The following TTN variants were observed in gnomAD, a reference collection of about 807,000 sequenced individuals.
TTN encodes the protein titin.
A neutral mutation model predicts 3,223.0 loss-of-function variants in TTN; 1,525 were observed. The observed-to-expected ratio is 0.47, with a 90% CI of 0.45 to 0.49. The LOEUF is 0.49. TTN is among the 20% of genes least tolerant of loss of function. The pLI is 0.00. For synonymous variants in TTN, 14,094 were observed against 15,161.0 expected, an observed-to-expected ratio of 0.93 and a Z score of 5.17; for missense variants, 40,786 against 43,424.0, an observed-to-expected ratio of 0.94 and a Z score of 5.40.
Position 178,694,911 on chromosome 2 carries a change from A to T in TTN, c.31271-5T>A. On this transcript the variant is annotated splice_polypyrimidine_tract_variant and splice_region_variant and intron_variant, in intron 115 of 362. Coordinates refer to ENST00000589042, the MANE Select transcript of TTN (RefSeq NM_001267550.2). Reference sequence around the variant, plus strand: ...CAATTACTGGCTTCTTTATAACTGCAAGCATTTTAGAGAAATTGCAGTACT... The same window carrying T: ...CAATTACTGGCTTCTTTATAACTGCTAGCATTTTAGAGAAATTGCAGTACT... 1 of 1,540,176 alleles carries T rather than the reference A, an allele frequency of 6.5e-7. No individual in the cohort carries two copies. The highest frequency in any genetic ancestry group is 1.4e-5 in the African/African-American group (1 of 72,674).
Position 178,565,910 on chromosome 2 carries a change from C to T in TTN, c.80222G>A (p.Ser26741Asn). Residue 26741 changes from serine (S) to asparagine (N), a missense_variant, in exon 326 of 363, where the codon AGT becomes AAT. Transcript: ENST00000589042. ...TTCTGTAAGGTTTTCCACTTTAAAACTTGTTTTGCTGCATTTACTACTCAC... is the reference window on the plus strand; with the variant it reads ...TTCTGTAAGGTTTTCCACTTTAAAATTTGTTTTGCTGCATTTACTACTCAC... ...ANVSSKCSKT[S>N]FKVENLTEGA... The T allele has an allele frequency of 6.2e-7, 1 of 1,613,624 alleles. No homozygotes were observed. Among genetic ancestry groups the T allele is most frequent in the South Asian group, 1.1e-5 (1 of 91,076 alleles).
chr2:178,540,678 C>T (rs1693984450), intron 350 of TTN, among the ~76,000 whole-genome samples: 2 of 152,100 alleles, frequency 1.3e-5, no homozygotes, highest in Admixed American at 1.3e-4. Flanking sequence ...CACCTGTAAT[C>T]CCAGCTACTC....
intron 43 of TTN, among the ~76,000 whole-genome samples, chr2:178,761,894 C>A (rs2089298638): frequency 6.6e-6 from 1 of 152,212 alleles, no homozygotes; most frequent in African/African-American, 2.4e-5. Flanking sequence ...CCAAATGACA[C>A]TGACTCATCA....
In TTN at chr2:178,588,746, C is replaced by G. The variant is rs775732427; in HGVS notation, c.62979G>C (p.Lys20993Asn). ...TCTCCAAAAAGTATCCAGTTATAGACTTTCCACCATCATATTCAGGTGGAT... is the reference window on the plus strand; with the variant it reads ...TCTCCAAAAAGTATCCAGTTATAGAGTTTCCACCATCATATTCAGGTGGAT... ...VWNPPEYDGGKSITGYFLEKK... is the reference protein window; with the variant it reads ...VWNPPEYDGGNSITGYFLEKK... Residue 20993 changes from lysine (K) to asparagine (N), a missense_variant, in exon 304 of 363, where the codon AAG becomes AAC. By Grantham distance (94) the Lys-to-Asn change is moderately conservative. Coordinates refer to ENST00000589042, the MANE Select transcript of TTN (RefSeq NM_001267550.2). 6.2e-7 allele frequency: 1 copy of G among 1,613,220 alleles called. No homozygotes were observed. The highest frequency in any genetic ancestry group is 1.3e-5 in the African/African-American group (1 of 74,896).
chr2:178,752,023 C>T (rs148642498), intron 47 of TTN: 84 of 1,583,510 alleles, frequency 5.3e-5, no homozygotes, highest in Middle Eastern at 1.7e-4. Context: ...GTTCAGATTC[C>T]CCCTCAGAGA....
At position 178,677,707 on chromosome 2, in the gene TTN, TCTTCGGGAGGAA is replaced by T; in HGVS notation, c.34193_34204del (p.Val11398_Glu11401del). 1 of 1,612,890 alleles carries T rather than the reference TCTTCGGGAGGAA, an allele frequency of 6.2e-7. No individual in the cohort carries two copies. Among genetic ancestry groups the T allele is most frequent in the Non-Finnish European group, 8.5e-7 (1 of 1,179,234 alleles). ...TTCTTCTTCCTCAGGTACATATTCT[TCTTCGGGAGGAA>T]CTTCCTCTTCCTCAGGTGGAATTTC... is the stretch of plus-strand genomic sequence containing the variant. On this transcript the variant is annotated inframe_deletion, in exon 146 of 363. Coordinates refer to ENST00000589042, the MANE Select transcript of TTN (RefSeq NM_001267550.2).
rs377058846 is a variant in TTN at position 178,564,748 on chromosome 2, C to T, written c.81384G>A (p.Gln27128=). ...LWVKLNKTPI[Q]DTKFKTTGLD... is the part of the protein sequence containing the mutation. ...GCCCAGTTGTTTTGAATTTGGTGTC[C>T]TGAATGGGGGTCTTATTTAACTTGA... Residue 27128 remains glutamine, a synonymous_variant, in exon 326 of 363, where the codon CAG becomes CAA. Coordinates refer to ENST00000589042, the MANE Select transcript of TTN (RefSeq NM_001267550.2). 1.2e-6 allele frequency: 2 copies of T among 1,612,592 alleles called. No individual in the cohort carries two copies. The highest frequency in any genetic ancestry group is 1.7e-6 in the Non-Finnish European group (2 of 1,179,288).
Position 178,566,231 on chromosome 2 carries a change from G to A in TTN, c.79901C>T (p.Thr26634Ile). 6.2e-7 allele frequency: 1 copy of A among 1,613,640 alleles called. No individual in the cohort carries two copies. Residue 26634 changes from threonine to isoleucine, a missense_variant, in exon 326 of 363, where the codon ACA becomes ATA. Coordinates refer to ENST00000589042, the MANE Select transcript of TTN (RefSeq NM_001267550.2). ...TCCCTTTTCAATTTGGACCTTATCT[G>A]TGAATTCACCTTCCTCTCGAGACCA... The part of the protein sequence containing the change: ...ITWSREEGEF[T>I]DKVQIEKGVN...
At position 178,686,113 on chromosome 2, in the gene TTN, A is replaced by ATTTTTTTTTTTTTT. The variant is rs765570520; in HGVS notation, c.32312-529_32312-516dup. 2.4e-3 allele frequency among the ~76,000 whole-genome samples: 183 copies of ATTTTTTTTTTTTTT among 77,780 alleles called. 26 individuals carry two copies. Among genetic ancestry groups the ATTTTTTTTTTTTTT allele is most frequent in the African/African-American group, 0.011 (171 of 15,072 alleles). The allele number at this position is 77,780 out of a possible 152,430, so 51.0% of individuals were successfully genotyped here. On this transcript the variant is annotated intron_variant, in intron 127 of 362. Transcript: ENST00000589042. ...TTGAGCCTAAGTGTATACAGTTTTA[A>ATTTTTTTTTTTTTT]TTTTTTTTTTTTTTTTTTTTTTTTT...
chr2:178,799,412 G>C (rs980319831), intron 6 of TTN, 75 bp downstream of exon 6: 2 of 1,608,748 alleles, frequency 1.2e-6, no homozygotes, highest in African/African-American at 2.7e-5. Flanking sequence ...CTGCGAGGGG[G>C]ACAAGGGAAT....
intron 319 of TTN, 22 bp downstream of exon 319, chr2:178,579,539 A>T: frequency 1.2e-6 from 2 of 1,607,692 alleles, no homozygotes; most frequent in Non-Finnish European, 8.5e-7. Flanking sequence ...GGAAAAATGA[A>T]GATGTGTGCA....
At position 178,640,109 on chromosome 2, in the gene TTN, C is replaced by A. The variant is rs1349888277; in HGVS notation, c.40725G>T (p.Val13575=). 2.3e-5 allele frequency: 37 copies of A among 1,611,486 alleles called. No homozygotes were observed. The highest frequency in any genetic ancestry group is 3.1e-5 in the Non-Finnish European group (36 of 1,178,516). The part of the protein sequence containing the change: ...RERKIPEPTK[V]PEIKPAIPLP... ...GAGGTATTGCTGGCTTGATTTCAGGCACTGAAATAATTTAGAGTAGAGGGC... is the reference window on the plus strand; with the variant it reads ...GAGGTATTGCTGGCTTGATTTCAGGAACTGAAATAATTTAGAGTAGAGGGC... Residue 13575 remains valine (V), a splice_region_variant and synonymous_variant, in exon 222 of 363, where the codon GTG becomes GTT. Transcript: ENST00000589042.
chr2:178,777,871 G>A lies in TTN; in HGVS notation c.4313C>T (p.Ser1438Phe), dbSNP rs1225191153. 27 of 1,613,904 alleles carry A rather than the reference G, an allele frequency of 1.7e-5. No individual in the cohort carries two copies. The highest frequency in any genetic ancestry group is 1.7e-6 in the Non-Finnish European group (2 of 1,179,950). The stretch of plus-strand genomic sequence containing the variant: ...TGTCTCCTCCAGCCTACGTCCAGGG[G>A]ACATTCTTGCAGGGGACATCCGTGC... Reference protein sequence around the residue: ...SPARMSPARMSPGRRLEETDE... With the variant: ...SPARMSPARMFPGRRLEETDE... Residue 1438 changes from serine (S) to phenylalanine (F), a missense_variant, in exon 25 of 363, where the codon TCC (serine) becomes TTC (phenylalanine). Physicochemically the swap from Ser to Phe is radical, Grantham distance 155. Transcript: ENST00000589042.
Position 178,764,636 on chromosome 2 carries a change from T to C in TTN, c.9879A>G (p.Glu3293=), listed in dbSNP as rs4894043. ...AGGCTTCAATTAGCAAAAGCGTGTA[T>C]TCTTGCCCATCATGAAGAAATTTGC... ...FKCKFLHDGQ[E]YTLLLIEAFP... The change falls in exon 42 of 363, where the codon GAA becomes GAG. Residue 3293 remains glutamate (E), a synonymous_variant. Coordinates refer to ENST00000589042, the MANE Select transcript of TTN (RefSeq NM_001267550.2). 1 allele frequency: 1,606,528 copies of C among 1,614,084 alleles called. 799,807 individuals carry two copies. Among genetic ancestry groups the C allele is most frequent in the East Asian group, 1 (44,858 of 44,858 alleles).
chr2:178,782,117 A>G, intron 20 of TTN, 95 bp downstream of exon 20: 1 of 1,421,804 alleles, frequency 7.0e-7, no homozygotes, highest in Non-Finnish European at 9.9e-7. Context: ...GAAAGAGCCT[A>G]TGCTCAGGGT....
chr2:178,569,965 T>G lies in TTN; in HGVS notation c.76167A>C (p.Glu25389Asp), dbSNP rs371435213. 1 of 1,612,170 alleles carries G rather than the reference T, an allele frequency of 6.2e-7. No individual in the cohort carries two copies. Among genetic ancestry groups the G allele is most frequent in the African/African-American group, 1.3e-5 (1 of 74,834 alleles). ...TTTGGTAAGCAGAAGGAGGGCTTGG[T>G]TCACTAAGTCCAGCAGCATTCTCAG... ...VSAENAAGLS[E>D]PSPPSAYQKA... Residue 25389 changes from glutamate to aspartate, a missense_variant, in exon 326 of 363, where the codon GAA (glutamate) becomes GAC (aspartate). Physicochemically the swap from Glu to Asp is conservative, Grantham distance 45. Transcript: ENST00000589042.
chr2:178,682,684 G>C lies in TTN; in HGVS notation c.33094+13C>G, dbSNP rs2069747417. On this transcript the variant is annotated intron_variant, in intron 135 of 362. Transcript: ENST00000589042. ...TATTTAGTGTGGTTTTGAGTTTGCA[G>C]TTTTGCTCATACCTGTGATGTATTC... 1.2e-6 allele frequency: 2 copies of C among 1,601,270 alleles called. No individual in the cohort carries two copies. Among genetic ancestry groups the C allele is most frequent in the Non-Finnish European group, 1.7e-6 (2 of 1,175,250 alleles).
chr2:178,679,402 T>C lies in TTN; in HGVS notation c.33679A>G (p.Lys11227Glu). The change falls in exon 142 of 363, where the codon AAG becomes GAG. Residue 11227 changes from lysine (K) to glutamate (E), a missense_variant. Transcript: ENST00000589042. ...APPAKVPEVP[K>E]KPEEKVPVLI... ...ACAGGAACTTTCTCCTCTGGCTTCT[T>C]AGGAACCTCAGGCACTTTAAAGATA... The C allele has an allele frequency of 6.2e-7, 1 of 1,612,664 alleles. No individual in the cohort carries two copies. The highest frequency in any genetic ancestry group is 8.5e-7 in the Non-Finnish European group (1 of 1,179,076).
In TTN at chr2:178,672,632, T is replaced by C; in HGVS notation, c.34855+3A>G. 6.2e-7 allele frequency: 1 copy of C among 1,611,808 alleles called. No homozygotes were observed. Among genetic ancestry groups the C allele is most frequent in the African/African-American group, 1.3e-5 (1 of 74,962 alleles). ...GAAGTCAGGTTTAAAAGAGAAGATGTACCTTTGGCTGGGGGTGCCTCTTTT... is the reference window on the plus strand; with the variant it reads ...GAAGTCAGGTTTAAAAGAGAAGATGCACCTTTGGCTGGGGGTGCCTCTTTT... On this transcript the variant is annotated splice_donor_region_variant and intron_variant, in intron 153 of 362. Transcript: ENST00000589042.
Sources: allele counts gnomAD v4.1 joint callset (sites outside exome capture counted in the v4.1 genomes callset), GRCh38; gene constraint gnomAD v4.1.1; transcripts MANE v1.5; gene names NCBI Gene and HGNC (gene_info 2026-07-23, HGNC 2026-07-21).